The following MAGI2 variants were observed in gnomAD, a reference collection of about 807,000 sequenced individuals.
MAGI2 encodes membrane-associated guanylate kinase, WW and PDZ domain-containing protein 2.
In MAGI2, 35 loss-of-function variants were observed where a neutral mutation model predicts 133.3. That is an observed-to-expected ratio of 0.26 (90% CI 0.20 to 0.35). MAGI2 has a LOEUF of 0.35. MAGI2 is among the 10% of genes least tolerant of loss of function. The probability of loss-of-function intolerance (pLI) is 1.00; values close to 1 mark genes in which losing one functional copy is unlikely to be tolerated. For missense variants in MAGI2, 1,636 were observed against 1,863.4 expected (o/e 0.88, Z 2.25); for synonymous variants, 729 against 710.6 (o/e 1.03, Z -0.41).
At chr7:79,264,250 A>G (rs1378206790) in intron 1 of MAGI2, among the ~76,000 whole-genome samples, 4 of 152,168 alleles carry the variant, frequency 2.6e-5, no homozygotes, top group African/African-American at 9.7e-5. Flanking sequence ...GAATCTCCTA[A>G]CACAGATTTT....
rs891709460 is a variant in MAGI2 at position 78,595,560 on chromosome 7, G to A, written c.538+31560C>T. 2.0e-5 allele frequency among the ~76,000 whole-genome samples: 3 copies of A among 152,268 alleles called. No homozygotes were observed. The East Asian group carries it at 5.8e-4, about 29-fold the overall frequency. On this transcript the variant is annotated intron_variant, in intron 3 of 21. Transcript: ENST00000354212. Reference sequence around the variant, plus strand: ...AATGTGAGTTTGACCTAGAATATAAGAATTCGTTTAATTTCTATGCTACTT... The same window carrying A: ...AATGTGAGTTTGACCTAGAATATAAAAATTCGTTTAATTTCTATGCTACTT...
At chr7:78,072,324 C>G (rs889380826) in intron 21 of MAGI2, among the ~76,000 whole-genome samples, 3 of 152,262 alleles carry the variant, frequency 2.0e-5, no homozygotes, top group Non-Finnish European at 4.4e-5. Flanking sequence ...TAATAAAACC[C>G]ATTTAAATGT....
intron 6 of MAGI2, among the ~76,000 whole-genome samples, chr7:78,410,100 G>A (rs1257565685): frequency 6.6e-6 from 1 of 151,838 alleles, no homozygotes; most frequent in Non-Finnish European, 1.5e-5. Context: ...GAATAGTAAG[G>A]GGAGCCATGG....
intron 2 of MAGI2, among the ~76,000 whole-genome samples, chr7:78,874,272 A>G (rs1377878573): frequency 6.6e-6 from 1 of 152,166 alleles, no homozygotes; most frequent in Non-Finnish European, 1.5e-5. Flanking sequence ...GAAAAAATAG[A>G]GAAATTTGCA....
chr7:78,917,238 G>C (rs1281406054), intron 2 of MAGI2, among the ~76,000 whole-genome samples: 3 of 152,036 alleles, frequency 2.0e-5, no homozygotes, highest in East Asian at 3.9e-4. Flanking sequence ...ACTGAAAAAG[G>C]AAGTAGAGTA....
intron 3 of MAGI2, among the ~76,000 whole-genome samples, chr7:78,556,907 T>C (rs949005161): frequency 7.1e-6 from 1 of 140,894 alleles, no homozygotes; most frequent in African/African-American, 2.7e-5. Context: ...GCTAACATGG[T>C]GAAACCCCGT....
intron 1 of MAGI2, among the ~76,000 whole-genome samples, chr7:79,434,756 A>G (rs928518732): frequency 6.6e-6 from 1 of 152,178 alleles, no homozygotes; most frequent in Non-Finnish European, 1.5e-5. Flanking sequence ...TTATGTATTA[A>G]CTTGACTGGG....
chr7:78,224,193 T>G (rs1424529169), intron 10 of MAGI2, among the ~76,000 whole-genome samples: 1 of 152,184 alleles, frequency 6.6e-6, no homozygotes, highest in Non-Finnish European at 1.5e-5. Context: ...ACAGGAGCAA[T>G]GAACAATGTA....
At chr7:79,111,719 T>G (rs1383527574) in intron 1 of MAGI2, among the ~76,000 whole-genome samples, 3 of 152,048 alleles carry the variant, frequency 2.0e-5, no homozygotes, top group Non-Finnish European at 4.4e-5. Flanking sequence ...CAGGCTGGAG[T>G]GTAGTGGCAC....
At chr7:79,081,522 A>G (rs1816036886) in intron 1 of MAGI2, among the ~76,000 whole-genome samples, 1 of 152,188 alleles carries the variant, frequency 6.6e-6, no homozygotes, top group African/African-American at 2.4e-5. Flanking sequence ...TGTTGAATAA[A>G]TGAACAAATA....
chr7:78,836,947 TA>T (rs2151454515), intron 2 of MAGI2, among the ~76,000 whole-genome samples: 1 of 152,354 alleles, frequency 6.6e-6, no homozygotes, highest in East Asian at 1.9e-4. Context: ...TCTAGGTAGT[TA>T]TTTATTCATG....
rs1815801265 is a variant in MAGI2, at chr7:78,682,559, T to C, written c.419-55320A>G. Among the ~76,000 whole-genome samples the C allele has an allele frequency of 1.3e-5, 2 of 152,166 alleles. 1 individual carries two copies. The highest frequency in any genetic ancestry group is 4.1e-4 in the South Asian group (2 of 4,832). On this transcript the variant is annotated intron_variant, in intron 2 of 21. Coordinates refer to ENST00000354212, the MANE Select transcript of MAGI2 (RefSeq NM_012301.4). ...GCAAACGACATGAACTCATCCTTTT[T>C]TTGTGTGGCTGCATAGTATTCCATG...
chr7:78,907,969 T>C (rs145686241), intron 2 of MAGI2, among the ~76,000 whole-genome samples: 6 of 152,214 alleles, frequency 3.9e-5, no homozygotes, highest in African/African-American at 1.4e-4. Context: ...AAGGGAATAT[T>C]GGAGTTACAT....
At chr7:78,183,412 A>T (rs1827380498) in intron 13 of MAGI2, among the ~76,000 whole-genome samples, 1 of 150,798 alleles carries the variant, frequency 6.6e-6, no homozygotes. Context: ...ACTACAGGCA[A>T]GCACCACCAC....
chr7:78,264,144 T>C (rs535747962), intron 9 of MAGI2, among the ~76,000 whole-genome samples: 11 of 152,188 alleles, frequency 7.2e-5, no homozygotes, highest in Non-Finnish European at 1.6e-4. Flanking sequence ...ATATACTTAA[T>C]ATTTATCTGG....
At chr7:79,412,240 A>G (rs535429688) in intron 1 of MAGI2, 3 of 152,236 alleles carry the variant, frequency 2.0e-5, no homozygotes, top group African/African-American at 7.2e-5. Flanking sequence ...AATGAGTTAA[A>G]AAAGCACCCT....
chr7:78,751,891 A>G (rs1823489640), intron 2 of MAGI2, among the ~76,000 whole-genome samples: 1 of 152,224 alleles, frequency 6.6e-6, no homozygotes, highest in Non-Finnish European at 1.5e-5. Context: ...TAGAAGTTCT[A>G]TTGTTTTATG....
chr7:78,805,022 C>T (rs578221603), intron 2 of MAGI2, among the ~76,000 whole-genome samples: 2 of 151,060 alleles, frequency 1.3e-5, no homozygotes, highest in East Asian at 3.9e-4. Context: ...GAGCCAAGAT[C>T]ACATCATTGC....
chr7:78,535,884 C>A (rs1181778709), intron 3 of MAGI2, among the ~76,000 whole-genome samples: 2 of 149,060 alleles, frequency 1.3e-5, no homozygotes, highest in Non-Finnish European at 3.0e-5. Flanking sequence ...CCCCCCCGCC[C>A]ACCGCCTCCC....
Sources: allele counts gnomAD v4.1 joint callset (sites outside exome capture counted in the v4.1 genomes callset), GRCh38; gene constraint gnomAD v4.1.1; transcripts MANE v1.5; gene names NCBI Gene and HGNC (gene_info 2026-07-23, HGNC 2026-07-21).